The following FER1L6 variants were observed in gnomAD, a reference collection of about 807,000 sequenced individuals.
The protein encoded by FER1L6 is fer-1 like family member 6.
Under a neutral mutation model 219.2 loss-of-function variants are expected in FER1L6, and 177 were observed. That is an observed-to-expected ratio of 0.81 (90% CI 0.71 to 0.91). The LOEUF is 0.91. Ranked by LOEUF, FER1L6 falls within the 40% of genes least tolerant of loss-of-function variation. FER1L6 has a pLI of 0.00. For missense variants in FER1L6, 2,153 were observed against 2,259.9 expected, an observed-to-expected ratio of 0.95 and a Z score of 0.96; for synonymous variants, 768 against 824.3, an observed-to-expected ratio of 0.93 and a Z score of 1.17.
intron 1 of FER1L6, among the ~76,000 whole-genome samples, chr8:123,940,319 G>A (rs1814184813): frequency 6.6e-6 from 1 of 152,108 alleles, no homozygotes; most frequent in Non-Finnish European, 1.5e-5. Context: ...CATTATTCCT[G>A]GAAGAGGGAC....
At chr8:124,060,471 T>C in intron 23 of FER1L6, 77 bp from the exon 24 acceptor site, 1 of 1,581,392 alleles carries the variant, frequency 6.3e-7, no homozygotes, top group Non-Finnish European at 8.6e-7. Flanking sequence ...CAGGTCTAAC[T>C]TTTCCACACA....
chr8:123,928,089 ATCT>A (rs900943024), intron 1 of FER1L6, among the ~76,000 whole-genome samples: 4 of 152,184 alleles, frequency 2.6e-5, no homozygotes, highest in African/African-American at 9.7e-5. Context: ...TTGGAAAAAA[ATCT>A]TCTCATATTT....
intron 1 of FER1L6, among the ~76,000 whole-genome samples, chr8:123,874,267 C>T (rs1336135400): frequency 6.6e-6 from 1 of 152,176 alleles, no homozygotes; most frequent in Non-Finnish European, 1.5e-5. Flanking sequence ...ACCTTCTTTT[C>T]TCAAGTCATA....
chr8:123,962,015 G>A (rs556100640), intron 2 of FER1L6, among the ~76,000 whole-genome samples: 14 of 151,330 alleles, frequency 9.3e-5, no homozygotes, highest in South Asian at 2.1e-4. Flanking sequence ...TCAGCCTCCC[G>A]AGCAGCTGGG....
intron 1 of FER1L6, among the ~76,000 whole-genome samples, chr8:123,886,517 A>G (rs952354774): frequency 1.3e-5 from 2 of 152,178 alleles, no homozygotes; most frequent in Non-Finnish European, 2.9e-5. Context: ...AGCTGAGTAG[A>G]TACCAGCCTT....
At chr8:123,874,460 C>T (rs1379815415) in intron 1 of FER1L6, among the ~76,000 whole-genome samples, 1 of 152,144 alleles carries the variant, frequency 6.6e-6, no homozygotes, top group East Asian at 1.9e-4. Context: ...TAAGATCAGT[C>T]CCTGCTAATA....
intron 19 of FER1L6, chr8:124,035,867 C>T (rs537491586): frequency 6.3e-6 from 1 of 157,836 alleles, no homozygotes; most frequent in Non-Finnish European, 1.4e-5. Flanking sequence ...ATTCACATTT[C>T]CTAGTAGTAA....
chr8:123,880,730 G>C (rs1451634699), intron 1 of FER1L6, among the ~76,000 whole-genome samples: 3 of 152,188 alleles, frequency 2.0e-5, no homozygotes, highest in Non-Finnish European at 4.4e-5. Flanking sequence ...AAAGGAAATG[G>C]AATGGTGAAT....
chr8:123,999,524 G>A (rs1229327484), intron 12 of FER1L6, among the ~76,000 whole-genome samples: 2 of 152,182 alleles, frequency 1.3e-5, no homozygotes, highest in Non-Finnish European at 2.9e-5. Flanking sequence ...TTAGCCAGGT[G>A]TGGTGGCACA....
chr8:123,928,375 C>T (rs1813644954), intron 1 of FER1L6, among the ~76,000 whole-genome samples: 2 of 152,162 alleles, frequency 1.3e-5, no homozygotes, highest in African/African-American at 4.8e-5. Flanking sequence ...CAGGCTCCAC[C>T]AACCAGATGG....
In FER1L6 at chr8:123,852,749, G is replaced by A. The variant is rs1232012395; in HGVS notation, c.-8+564G>A. Reference sequence around the variant, plus strand: ...AATGGTAACATCTTATATTACCATGGTACATTTATGAAAATGAAGAAACTG... The same window carrying A: ...AATGGTAACATCTTATATTACCATGATACATTTATGAAAATGAAGAAACTG... On this transcript the variant is annotated intron_variant, in intron 1 of 40. Coordinates refer to ENST00000522917, the MANE Select transcript of FER1L6 (RefSeq NM_001039112.2). The surrounding 1 kb of genome is among the most constrained non-coding windows in gnomAD (Gnocchi z 4.9). Among the ~76,000 whole-genome samples, 1 of 152,036 alleles carries A rather than the reference G, an allele frequency of 6.6e-6. No homozygotes were observed. Among genetic ancestry groups the A allele is most frequent in the East Asian group, 1.9e-4 (1 of 5,184 alleles).
chr8:124,076,415 C>G (rs1361268366), intron 32 of FER1L6, 90 bp downstream of exon 32: 7 of 1,301,936 alleles, frequency 5.4e-6, no homozygotes, highest in Admixed American at 5.2e-5. Context: ...TGTTTGTGTT[C>G]CTGGGTGAAA....
rs746724005 is a variant in FER1L6 at position 124,060,228 on chromosome 8, A to G, written c.2923A>G (p.Ile975Val). ...QGLPPVEPPD[I>V]TQIYPVPANI... ...CCTCCCACCCGTTGAGCCACCAGAC[A>G]TCACCCAGATCTACCCGGTTCCTGC... The change falls in exon 23 of 41, where the codon ATC (isoleucine) becomes GTC (valine). Residue 975 changes from isoleucine (I) to valine (V), a missense_variant. Coordinates refer to ENST00000522917, the MANE Select transcript of FER1L6 (RefSeq NM_001039112.2). The G allele has an allele frequency of 1.9e-5, 31 of 1,614,064 alleles. No individual in the cohort carries two copies. In the African/African-American group the frequency reaches 2.0e-4, roughly 10 times the overall value.
chr8:123,953,078 C>A (rs888864426), intron 1 of FER1L6, among the ~76,000 whole-genome samples: 2 of 152,194 alleles, frequency 1.3e-5, no homozygotes, highest in Non-Finnish European at 2.9e-5. Flanking sequence ...CCCAATCTGC[C>A]AGTGGCACCA....
At chr8:124,090,778 T>G (rs2130942550) in intron 33 of FER1L6, among the ~76,000 whole-genome samples, 1 of 152,232 alleles carries the variant, frequency 6.6e-6, no homozygotes, top group East Asian at 1.9e-4. Flanking sequence ...AACTTATCAC[T>G]GATTAGAGAA....
intron 1 of FER1L6, among the ~76,000 whole-genome samples, chr8:123,876,662 GAAA>G (rs1319352001): frequency 1.3e-5 from 2 of 151,938 alleles, no homozygotes; most frequent in African/African-American, 2.4e-5. Flanking sequence ...CCACCTTACA[GAAA>G]AAAAGCAATC....
At chr8:124,107,776 C>T (rs1002229567) in intron 39 of FER1L6, among the ~76,000 whole-genome samples, 1 of 152,032 alleles carries the variant, frequency 6.6e-6, no homozygotes, top group Non-Finnish European at 1.5e-5. Flanking sequence ...TTCGGAGGGT[C>T]CATTTGAAGA....
At position 124,045,795 on chromosome 8, in the gene FER1L6, G is replaced by C. The variant is rs747046102; in HGVS notation, c.2618G>C (p.Trp873Ser). 6.2e-7 allele frequency: 1 copy of C among 1,613,952 alleles called. No individual in the cohort carries two copies. Among genetic ancestry groups the C allele is most frequent in the African/African-American group, 1.3e-5 (1 of 74,912 alleles). ...KIISQTLSPT[W>S]NQMLLFNDLV... ...ATCTCCCAGACCCTCTCTCCGACCTGGAACCAGATGCTGCTGTTCAATGAT... is the reference window on the plus strand; with the variant it reads ...ATCTCCCAGACCCTCTCTCCGACCTCGAACCAGATGCTGCTGTTCAATGAT... Residue 873 changes from tryptophan (W) to serine (S), a missense_variant, in exon 21 of 41, where the codon TGG becomes TCG. Coordinates refer to ENST00000522917, the MANE Select transcript of FER1L6 (RefSeq NM_001039112.2).
intron 21 of FER1L6, among the ~76,000 whole-genome samples, chr8:124,049,234 G>A (rs1819884096): frequency 6.6e-6 from 1 of 152,038 alleles, no homozygotes. Flanking sequence ...TTTTAGTAGA[G>A]ACAGGGTTTC....
Sources: gnomAD v4.1 joint callset for allele counts (sites outside exome capture counted in the v4.1 genomes callset) on GRCh38, gnomAD v4.1.1 for gene constraint, Gnocchi (gnomAD v3.1) non-coding constraint, MANE v1.5 for transcripts, NCBI Gene and HGNC (gene_info 2026-07-23, HGNC 2026-07-21) for gene names.